Variants in C11orf91 observed in about 807,000 individuals in gnomAD.
The protein encoded by C11orf91 is uncharacterized protein C11orf91.
C11orf91 carries 10 observed loss-of-function variants against 14.3 expected under a neutral mutation model. The observed-to-expected ratio is 0.70, with a 90% CI of 0.43 to 1.18. The LOEUF (loss-of-function observed/expected upper bound fraction) is 1.18, where lower values mean the gene tolerates loss of function less well. C11orf91 is among the 50% of genes most tolerant of loss of function. The pLI is 0.00. For synonymous variants in C11orf91, 141 were observed against 130.6 expected (o/e 1.08, Z -0.54); for missense variants, 236 against 269.0 (o/e 0.88, Z 0.86).
chr11:33,699,464 C>A, intron 1 of C11orf91: 1 of 435,990 alleles, frequency 2.3e-6, no homozygotes, highest in Non-Finnish European at 4.7e-6. Flanking sequence ...ACAAAGTCTG[C>A]AGGACAACCT....
chr11:33,703,506 G>A (rs77354123), upstream of C11orf91: 8,404 of 152,178 alleles, frequency 0.055, 418 homozygotes, highest in African/African-American at 0.13. Flanking sequence ...GCTTCCTAAC[G>A]CCCCTGCTCC....
At chr11:33,705,194 G>T (rs1787378371), upstream of C11orf91, 1 of 152,208 alleles carries the variant, frequency 6.6e-6, no homozygotes, top group Non-Finnish European at 1.5e-5. Context: ...CTAACACTTA[G>T]TGACCACTTA....
chr11:33,699,500 A>C (rs1853084603), intron 1 of C11orf91: 1 of 454,476 alleles, frequency 2.2e-6, no homozygotes, highest in East Asian at 7.0e-5. Flanking sequence ...TCTACTTTGC[A>C]ATAGGTCCTT....
upstream of C11orf91, chr11:33,705,569 C>A (rs546978557): frequency 6.6e-6 from 1 of 152,396 alleles, no homozygotes; most frequent in South Asian, 2.0e-4. Context: ...TTGCCAGGGG[C>A]TCTTGGGCCT....
At chr11:33,705,466 A>C (rs1260315830), upstream of C11orf91, 1 of 152,166 alleles carries the variant, frequency 6.6e-6, no homozygotes, top group Non-Finnish European at 1.5e-5. Context: ...TTGTTTGCTG[A>C]GTCTTCTGGC....
upstream of C11orf91, chr11:33,704,785 C>T (rs1344048914): frequency 6.6e-6 from 1 of 152,582 alleles, no homozygotes; most frequent in Non-Finnish European, 1.5e-5. Context: ...AGGCTGCACA[C>T]ACGGCCTCTA....
upstream of C11orf91, chr11:33,702,888 A>G (rs1292525410): frequency 6.1e-6 from 1 of 164,060 alleles, no homozygotes; most frequent in Non-Finnish European, 1.4e-5. Context: ...TTTTTTCATC[A>G]ATATAATGGG....
upstream of C11orf91, chr11:33,700,903 G>A (rs752456089): frequency 3.3e-6 from 2 of 611,050 alleles, no homozygotes; most frequent in Non-Finnish European, 2.3e-6. Flanking sequence ...CCAAAGCCCG[G>A]ACGACCACGT....
At chr11:33,703,175 G>A (rs1853166096), upstream of C11orf91, 1 of 152,134 alleles carries the variant, frequency 6.6e-6, no homozygotes, top group Non-Finnish European at 1.5e-5. Flanking sequence ...CATAATCCAT[G>A]AAGTTATAGC....
upstream of C11orf91, chr11:33,705,048 A>G (rs1853254919): frequency 6.6e-6 from 1 of 152,214 alleles, no homozygotes; most frequent in Admixed American, 6.5e-5. Flanking sequence ...CTTGCAGAGT[A>G]AGAATTTAAA....
At chr11:33,701,532 T>C (rs1330744612), upstream of C11orf91, among the ~76,000 whole-genome samples, 1 of 152,220 alleles carries the variant, frequency 6.6e-6, no homozygotes, top group Non-Finnish European at 1.5e-5. Context: ...ACCCATTGCT[T>C]ATGAGCGATT....
rs1279988880 is a variant in C11orf91 at position 33,698,279 on chromosome 11, C to T, written c.*150G>A. On this transcript the variant is annotated 3_prime_UTR_variant, in exon 2 of 2. Transcript: ENST00000379011. ...CATGAGATTTACCACACAAAGTGGGCACTGTATGTGAAGTACATGCTGGTA... is the reference window on the plus strand; with the variant it reads ...CATGAGATTTACCACACAAAGTGGGTACTGTATGTGAAGTACATGCTGGTA... The T allele has an allele frequency of 2.1e-5, 13 of 612,790 alleles. No individual in the cohort carries two copies. Among genetic ancestry groups the T allele is most frequent in the Admixed American group, 5.5e-5 (2 of 36,686 alleles). The allele number at this position is 612,790 out of a possible 1,614,324, so 38.0% of individuals were successfully genotyped here.
At chr11:33,701,756 T>TGGCAAA (rs775349322), upstream of C11orf91, among the ~76,000 whole-genome samples, 1 of 41,886 alleles carries the variant, frequency 2.4e-5, no homozygotes, top group Non-Finnish European at 6.6e-5. Flanking sequence ...CAGTGCAAAG[T>TGGCAAA]GTGTGTGTGT....
upstream of C11orf91, among the ~76,000 whole-genome samples, chr11:33,702,300 T>A (rs1007162544): frequency 1.4e-4 from 21 of 151,970 alleles, no homozygotes; most frequent in Non-Finnish European, 2.6e-4. Context: ...TAAAATAATT[T>A]AAAAAATTAA....
rs1482867999 is a variant in C11orf91, at chr11:33,700,626, A to G, written c.115T>C (p.Phe39Leu). The G allele has an allele frequency of 4.1e-6, 6 of 1,475,964 alleles. No homozygotes were observed. The African/African-American group carries it at 8.7e-5, about 21-fold the overall frequency. The allele number at this position is 1,475,964 out of a possible 1,614,324, so 91.4% of individuals were successfully genotyped here. ...RGISSSPLSD[F>L]NIWKKLFVPL... ...ACGAAGAGCTTCTTCCAGATGTTGA[A>G]GTCGCTGAGCGGGGACGAGGAGATG... The change falls in exon 1 of 2, where the codon TTC becomes CTC. Residue 39 changes from phenylalanine (F) to leucine (L), a missense_variant. Transcript: ENST00000379011.
upstream of C11orf91, among the ~76,000 whole-genome samples, chr11:33,701,848 A>G (rs1212729875): frequency 6.6e-6 from 1 of 151,758 alleles, no homozygotes; most frequent in African/African-American, 2.4e-5. Flanking sequence ...TTGACTTTTA[A>G]GTAGGTTTTC....
At chr11:33,699,005 A>T (rs1252030793) in intron 1 of C11orf91, among the ~76,000 whole-genome samples, 2 of 151,584 alleles carry the variant, frequency 1.3e-5, no homozygotes, top group African/African-American at 4.8e-5. Flanking sequence ...GTCCTCAATG[A>T]TCCTCTTGTT....
chr11:33,699,537 T>C (rs142282300), intron 1 of C11orf91: 96 of 456,242 alleles, frequency 2.1e-4, no homozygotes, highest in African/African-American at 1.7e-3. Flanking sequence ...TTTAACAACT[T>C]TACCCTCCAA....
upstream of C11orf91, chr11:33,704,858 TAAGGACC>T (rs1853245719): frequency 6.5e-6 from 1 of 152,774 alleles, no homozygotes; most frequent in African/African-American, 2.4e-5. Flanking sequence ...TGCCACAATT[TAAGGACC>T]AAGCTATTCT....
Sources: allele counts gnomAD v4.1 joint callset (sites outside exome capture counted in the v4.1 genomes callset), GRCh38; gene constraint gnomAD v4.1.1; transcripts MANE v1.5; gene names NCBI Gene and HGNC (gene_info 2026-07-23, HGNC 2026-07-21).